The following PPCDC variants were observed in gnomAD, a reference collection of about 807,000 sequenced individuals.
The protein encoded by PPCDC is phosphopantothenoylcysteine decarboxylase.
A neutral mutation model predicts 20.7 loss-of-function variants in PPCDC; 20 were observed. That is an observed-to-expected ratio of 0.97 (90% confidence interval 0.68 to 1.41). PPCDC has a LOEUF of 1.41. Ranked by LOEUF, PPCDC falls within the 40% of genes most tolerant of loss-of-function variation. PPCDC has a pLI of 0.00. For synonymous variants in PPCDC, 88 were observed against 100.3 expected (o/e 0.88, Z 0.73); for missense variants, 246 against 263.8 (o/e 0.93, Z 0.47).
intron 4 of PPCDC, among the ~76,000 whole-genome samples, chr15:75,046,425 C>G (rs1344362815): frequency 6.6e-6 from 1 of 152,262 alleles, no homozygotes; most frequent in African/African-American, 2.4e-5. Context: ...AAGCCCCGGC[C>G]TGGGCCAGCT....
At chr15:75,023,969 T>TC (rs1462025195) in intron 1 of PPCDC, among the ~76,000 whole-genome samples, 3 of 152,186 alleles carry the variant, frequency 2.0e-5, no homozygotes, top group Admixed American at 6.5e-5. Context: ...CCGTGTCAGC[T>TC]CCTCACACTG....
intron 2 of PPCDC, among the ~76,000 whole-genome samples, chr15:75,030,849 C>T (rs535355163): frequency 6.6e-6 from 1 of 152,244 alleles, no homozygotes; most frequent in African/African-American, 2.4e-5. Flanking sequence ...TCCTGATTGA[C>T]CAGTATGTCC....
intron 4 of PPCDC, among the ~76,000 whole-genome samples, chr15:75,046,231 C>A (rs1726848256): frequency 1.3e-5 from 2 of 152,190 alleles, no homozygotes; most frequent in African/African-American, 4.8e-5. Context: ...AACAAAAAGG[C>A]TTCCCAGCAG....
chr15:75,044,149 C>T (rs1028219127), intron 3 of PPCDC, among the ~76,000 whole-genome samples: 1 of 150,778 alleles, frequency 6.6e-6, no homozygotes, highest in African/African-American at 2.4e-5. Flanking sequence ...CTCTTGAAAG[C>T]CAAACCATGA....
intron 2 of PPCDC, 190 bp from the exon 3 acceptor site, chr15:75,043,251 G>A: frequency 1.8e-6 from 1 of 566,558 alleles, no homozygotes; most frequent in East Asian, 3.1e-5. Context: ...ACCTGATAGG[G>A]CCTGACCTTT....
At chr15:75,026,478 C>T (rs1295095920) in intron 1 of PPCDC, among the ~76,000 whole-genome samples, 1 of 152,152 alleles carries the variant, frequency 6.6e-6, no homozygotes, top group Non-Finnish European at 1.5e-5. Context: ...GTGATCTTGC[C>T]CTAGGGAACC....
intron 5 of PPCDC, 144 bp from the exon 6 acceptor site, chr15:75,049,006 A>G: frequency 1.2e-6 from 1 of 836,310 alleles, no homozygotes; most frequent in Admixed American, 2.4e-5. Context: ...CTTGGGAGAG[A>G]TCTGATGTGT....
intron 2 of PPCDC, among the ~76,000 whole-genome samples, chr15:75,031,336 T>G (rs2066018733): frequency 6.6e-6 from 1 of 152,188 alleles, no homozygotes; most frequent in Non-Finnish European, 1.5e-5. Context: ...GTTTCTTCCC[T>G]GGGGTTGGCA....
At chr15:75,033,129 G>A (rs2066043617) in intron 2 of PPCDC, among the ~76,000 whole-genome samples, 2 of 152,118 alleles carry the variant, frequency 1.3e-5, no homozygotes, top group South Asian at 4.1e-4. Flanking sequence ...AAATGATTAA[G>A]TCAAAAGAAA....
intron 2 of PPCDC, among the ~76,000 whole-genome samples, chr15:75,036,315 G>T (rs2141485156): frequency 6.6e-6 from 1 of 152,272 alleles, no homozygotes; most frequent in African/African-American, 2.4e-5. Flanking sequence ...GGACCTTTTG[G>T]TGGAGTGAAT....
chr15:75,050,231 C>G lies in PPCDC; in HGVS notation c.*996C>G, dbSNP rs2066297842. 6 of 152,214 alleles carry G rather than the reference C, an allele frequency of 3.9e-5. No individual in the cohort carries two copies. Among genetic ancestry groups the G allele is most frequent in the Admixed American group, 3.3e-4 (5 of 15,280 alleles). 9.4% of individuals were successfully genotyped at this position (152,214 alleles called of 1,614,324 possible). Reference sequence around the variant, plus strand: ...TTTATGCAAGTGACAGGTAAGCAGCCAGGAGGGTTGACCCTGCCCTGGGTC... The same window carrying G: ...TTTATGCAAGTGACAGGTAAGCAGCGAGGAGGGTTGACCCTGCCCTGGGTC... On this transcript the variant is annotated 3_prime_UTR_variant, in exon 6 of 6. Coordinates refer to ENST00000342932, the MANE Select transcript of PPCDC (RefSeq NM_021823.5).
At chr15:75,039,297 A>G (rs2066124021) in intron 2 of PPCDC, among the ~76,000 whole-genome samples, 1 of 152,134 alleles carries the variant, frequency 6.6e-6, no homozygotes, top group South Asian at 2.1e-4. Flanking sequence ...TGTTTTTTCC[A>G]GAAGGACCCT....
chr15:75,026,021 C>T (rs1166422414), intron 1 of PPCDC, among the ~76,000 whole-genome samples: 3 of 152,160 alleles, frequency 2.0e-5, no homozygotes, highest in Non-Finnish European at 4.4e-5. Flanking sequence ...TACTGTATTT[C>T]GGACTATAGT....
At chr15:75,032,631 G>T (rs2066034365) in intron 2 of PPCDC, among the ~76,000 whole-genome samples, 1 of 151,132 alleles carries the variant, frequency 6.6e-6, no homozygotes, top group Admixed American at 6.6e-5. Flanking sequence ...ACTTGGCAAT[G>T]ATTCAGAAAA....
intron 2 of PPCDC, among the ~76,000 whole-genome samples, chr15:75,029,857 TA>T (rs1474712259): frequency 6.6e-6 from 1 of 152,042 alleles, no homozygotes; most frequent in African/African-American, 2.4e-5. Context: ...GTTTCCGGAC[TA>T]GGGGTGGATA....
intron 2 of PPCDC, among the ~76,000 whole-genome samples, chr15:75,035,476 A>G (rs1595903663): frequency 6.6e-6 from 1 of 152,020 alleles, no homozygotes; most frequent in Non-Finnish European, 1.5e-5. Context: ...TCCTCATTCC[A>G]TTTCTCCTGA....
intron 1 of PPCDC, among the ~76,000 whole-genome samples, chr15:75,024,937 A>G (rs1187951867): frequency 6.8e-6 from 1 of 148,054 alleles, no homozygotes; most frequent in Admixed American, 6.7e-5. Context: ...TACTATTATT[A>G]TATTTTGAAA....
chr15:75,049,469 A>T lies in PPCDC; in HGVS notation c.*234A>T. The T allele has an allele frequency of 1.9e-6, 1 of 540,104 alleles. No homozygotes were observed. The highest frequency in any genetic ancestry group is 3.2e-5 in the East Asian group (1 of 31,232). The allele number at this position is 540,104 out of a possible 1,614,324, so 33.5% of individuals were successfully genotyped here. On this transcript the variant is annotated 3_prime_UTR_variant, in exon 6 of 6. Coordinates refer to ENST00000342932, the MANE Select transcript of PPCDC (RefSeq NM_021823.5). Reference sequence around the variant, plus strand: ...AGAGCCCCTCCCCACCTTTTCCTGGATGGGTGAGGCAAGCCAGGAGAGCAA... The same window carrying T: ...AGAGCCCCTCCCCACCTTTTCCTGGTTGGGTGAGGCAAGCCAGGAGAGCAA...
chr15:75,048,808 A>C (rs2066275338), intron 5 of PPCDC, 87 bp downstream of exon 5: 2 of 1,461,844 alleles, frequency 1.4e-6, no homozygotes, highest in Middle Eastern at 1.8e-4. Flanking sequence ...TGGCCTGTTA[A>C]TGACCTTAGC....
Sources: gnomAD v4.1 joint callset for allele counts (sites outside exome capture counted in the v4.1 genomes callset) on GRCh38, gnomAD v4.1.1 for gene constraint, MANE v1.5 for transcripts, NCBI Gene and HGNC (gene_info 2026-07-23, HGNC 2026-07-21) for gene names.